The following ARHGAP12 variants were observed in gnomAD, a reference collection of about 807,000 sequenced individuals.
ARHGAP12 encodes the protein rho GTPase-activating protein 12.
ARHGAP12 carries 64 observed loss-of-function variants against 108.6 expected under a neutral mutation model. The ratio of observed to expected loss-of-function variants is 0.59; its 90% CI spans 0.48 to 0.73. The LOEUF is 0.73. Ranked by LOEUF, ARHGAP12 falls within the 30% of genes least tolerant of loss-of-function variation. The pLI is 0.00. For missense variants in ARHGAP12, 940 were observed against 1,005.9 expected, an observed-to-expected ratio of 0.93 and a Z score of 0.89; for synonymous variants, 312 against 337.2, an observed-to-expected ratio of 0.93 and a Z score of 0.82.
At chr10:31,812,909 T>A in intron 14 of ARHGAP12, 86 bp from the exon 15 acceptor site, 1 of 663,408 alleles carries the variant, frequency 1.5e-6, no homozygotes, top group Middle Eastern at 3.7e-4. Context: ...CAAAACACAT[T>A]AACCTCATAT....
intron 3 of ARHGAP12, among the ~76,000 whole-genome samples, chr10:31,867,109 CTTTTTTTTGTTTTTT>C (rs1201225063): frequency 6.8e-6 from 1 of 147,164 alleles, no homozygotes; most frequent in Non-Finnish European, 1.5e-5. Flanking sequence ...ACCTTGTTTT[CTTTTTTTTGTTTTTT>C]TTTTTTTTGA....
intron 3 of ARHGAP12, among the ~76,000 whole-genome samples, chr10:31,896,781 G>T (rs973993430): frequency 6.6e-6 from 1 of 152,106 alleles, no homozygotes; most frequent in African/African-American, 2.4e-5. Flanking sequence ...AACAAGCTTG[G>T]AAGTCATCAT....
intron 11 of ARHGAP12, among the ~76,000 whole-genome samples, chr10:31,820,781 A>T (rs967151696): frequency 2.7e-5 from 4 of 150,358 alleles, no homozygotes; most frequent in East Asian, 1.9e-4. Context: ...GTGGGAAAAA[A>T]TTTTTTCAAA....
intron 7 of ARHGAP12, 125 bp downstream of exon 7, chr10:31,843,336 G>A: frequency 9.0e-7 from 1 of 1,111,252 alleles, no homozygotes; most frequent in Non-Finnish European, 1.3e-6. Flanking sequence ...GCTTAAATTA[G>A]TTCAAAAGAA....
chr10:31,808,956 C>A, intron 18 of ARHGAP12, 38 bp downstream of exon 18: 1 of 1,527,628 alleles, frequency 6.5e-7, no homozygotes, highest in South Asian at 1.2e-5. Context: ...AAAGAATTTT[C>A]AATATCTAGA....
intron 3 of ARHGAP12, among the ~76,000 whole-genome samples, chr10:31,895,437 A>G (rs1191968414): frequency 6.6e-6 from 1 of 152,202 alleles, no homozygotes; most frequent in African/African-American, 2.4e-5. Context: ...CAAAGGATAT[A>G]AACAGACACT....
chr10:31,881,337 G>A (rs1392607220), intron 3 of ARHGAP12, among the ~76,000 whole-genome samples: 3 of 151,438 alleles, frequency 2.0e-5, no homozygotes, highest in African/African-American at 4.9e-5. Flanking sequence ...AAATGTCCTG[G>A]GCCCACAGAC....
chr10:31,842,608 G>C (rs555978609), intron 7 of ARHGAP12, among the ~76,000 whole-genome samples: 79 of 152,080 alleles, frequency 5.2e-4, no homozygotes, highest in African/African-American at 1.8e-3. Flanking sequence ...TGTTATGACT[G>C]ATAAATTGAG....
At chr10:31,868,169 G>A (rs1190999487) in intron 3 of ARHGAP12, among the ~76,000 whole-genome samples, 2 of 151,710 alleles carry the variant, frequency 1.3e-5, no homozygotes, top group East Asian at 1.9e-4. Context: ...GTGCACTCCA[G>A]CCTGGGTGAC....
Position 31,896,642 on chromosome 10 carries a change from A to G in ARHGAP12, c.684+11530T>C, listed in dbSNP as rs544031986. Among the ~76,000 whole-genome samples the G allele has an allele frequency of 4.3e-4, 65 of 152,332 alleles. No homozygotes were observed. The Middle Eastern group carries it at 0.017, about 40-fold the overall frequency. ...GAGGGGGAAAAAAAGGGCTTCAGCA[A>G]AGTATATGGTTCTTAATAAACCATA... On this transcript the variant is annotated intron_variant, in intron 3 of 19. Coordinates refer to ENST00000344936, the MANE Select transcript of ARHGAP12 (RefSeq NM_018287.7).
chr10:31,824,443 A>C (rs1319872913), intron 11 of ARHGAP12, among the ~76,000 whole-genome samples: 1 of 152,166 alleles, frequency 6.6e-6, no homozygotes, highest in East Asian at 1.9e-4. Context: ...TTGCTCAGTA[A>C]ATTTTAAACT....
intron 4 of ARHGAP12, among the ~76,000 whole-genome samples, chr10:31,860,181 C>G (rs35154504): frequency 0.01 from 1,568 of 152,278 alleles, 18 homozygotes; most frequent in Admixed American, 0.021. Context: ...AATAAACCAA[C>G]TGAAAAATGG....
At chr10:31,848,213 T>C (rs1836535000) in intron 6 of ARHGAP12, among the ~76,000 whole-genome samples, 1 of 152,110 alleles carries the variant, frequency 6.6e-6, no homozygotes, top group South Asian at 2.1e-4. Context: ...ACCACAAAGG[T>C]ACACAACAAA....
chr10:31,847,949 T>C (rs922228142), intron 6 of ARHGAP12, among the ~76,000 whole-genome samples: 13 of 152,180 alleles, frequency 8.5e-5, no homozygotes, highest in African/African-American at 2.7e-4. Flanking sequence ...GATCATGTAT[T>C]ACCACAGATT....
chr10:31,923,801 C>CA (rs2132505844), intron 1 of ARHGAP12, among the ~76,000 whole-genome samples: 1 of 152,222 alleles, frequency 6.6e-6, no homozygotes, highest in East Asian at 1.9e-4. Context: ...GAATGAATCA[C>CA]ATAGGAGCTC....
intron 1 of ARHGAP12, among the ~76,000 whole-genome samples, chr10:31,920,449 CAAAAAAAAAAAAAA>C (rs71027040): frequency 1.7e-5 from 1 of 59,614 alleles, no homozygotes; most frequent in Non-Finnish European, 2.9e-5. Context: ...GACTCCGTCT[CAAAAAAAAAAAAAA>C]AAAAAAAAGA....
Position 31,812,815 on chromosome 10 carries a change from C to CTTAA in ARHGAP12, c.1842_1843insTTAA (p.Val615LeufsTer4). The CTTAA allele has an allele frequency of 6.4e-7, 1 of 1,558,662 alleles. No homozygotes were observed. The highest frequency in any genetic ancestry group is 8.7e-7 in the Non-Finnish European group (1 of 1,148,614). ...TGTTCTGAAGAATCTATGCTAGATA[C>CTTAA]TTTAAAGGCTTAAGACAAAAAGACA... On this transcript the variant is annotated frameshift_variant, in exon 15 of 20. Coordinates refer to ENST00000344936, the MANE Select transcript of ARHGAP12 (RefSeq NM_018287.7). LOFTEE classifies it high-confidence loss of function.
At chr10:31,853,301 C>T (rs797008747) in intron 5 of ARHGAP12, among the ~76,000 whole-genome samples, 70 of 152,228 alleles carry the variant, frequency 4.6e-4, no homozygotes, top group African/African-American at 1.5e-3. Context: ...TATTTAAAGG[C>T]TCATTTCATG....
intron 3 of ARHGAP12, among the ~76,000 whole-genome samples, chr10:31,880,057 T>C (rs1837879387): frequency 1.3e-5 from 2 of 152,262 alleles, no homozygotes; most frequent in Admixed American, 6.5e-5. Flanking sequence ...ATATGCTCTC[T>C]GCTCATCATC....
Sources: allele counts gnomAD v4.1 joint callset (sites outside exome capture counted in the v4.1 genomes callset), GRCh38; gene constraint gnomAD v4.1.1; transcripts MANE v1.5; gene names NCBI Gene and HGNC (gene_info 2026-07-23, HGNC 2026-07-21).